The following ITGA2 variants were observed in gnomAD, a reference collection of about 807,000 sequenced individuals.
ITGA2 encodes integrin subunit alpha 2.
ITGA2 carries 101 observed loss-of-function variants against 146.3 expected under a neutral mutation model. The observed-to-expected ratio is 0.69, with a 90% CI of 0.59 to 0.81. ITGA2 has a LOEUF of 0.81. ITGA2 is among the 40% of genes least tolerant of loss of function. The pLI, the probability that ITGA2 is intolerant of heterozygous loss-of-function variation, is 0.00. For synonymous variants in ITGA2, 477 were observed against 487.1 expected (o/e 0.98, Z 0.27); for missense variants, 1,281 against 1,402.7 (o/e 0.91, Z 1.39).
intron 28 of ITGA2, among the ~76,000 whole-genome samples, chr5:53,087,635 A>C (rs970621598): frequency 1.3e-5 from 2 of 151,932 alleles, no homozygotes; most frequent in African/African-American, 4.8e-5. Context: ...AAAAAAAAAA[A>C]AAAAAGCTTT....
At chr5:53,046,551 A>G (rs1744098662) in intron 4 of ITGA2, among the ~76,000 whole-genome samples, 2 of 151,964 alleles carry the variant, frequency 1.3e-5, no homozygotes, top group African/African-American at 4.8e-5. Flanking sequence ...TAAAAAAAGA[A>G]CATACTGATA....
At chr5:53,059,787 C>T in intron 10 of ITGA2, 87 bp from the exon 11 acceptor site, 1 of 1,180,318 alleles carries the variant, frequency 8.5e-7, no homozygotes, top group East Asian at 2.5e-5. Context: ...TAAATCTAAA[C>T]AACTTATTTC....
At position 53,058,066 on chromosome 5, in the gene ITGA2, CAA is replaced by C; in HGVS notation, c.1139_1140del (p.Gln380ArgfsTer12). 6.2e-7 allele frequency: 1 copy of C among 1,611,672 alleles called. No individual in the cohort carries two copies. Among genetic ancestry groups the C allele is most frequent in the Non-Finnish European group, 8.5e-7 (1 of 1,178,354 alleles). Reference protein sequence around the residue: ...GGDNFQMEMSQVGFSADYSSQ... With the variant: ...GGDNFQMEMSXVGFSADYSSQ... ...AGACAACTTTCAGATGGAAATGTCA[CAA>C]GTGGGATTCAGTGCAGATTACTCTT... On this transcript the variant is annotated frameshift_variant, in exon 10 of 30. Transcript: ENST00000296585. LOFTEE classifies it high-confidence loss of function.
intron 17 of ITGA2, 148 bp from the exon 18 acceptor site, chr5:53,071,790 A>G (rs1021077195): frequency 1.3e-5 from 9 of 696,670 alleles, no homozygotes; most frequent in Non-Finnish European, 2.3e-5. Flanking sequence ...AGTCTTGATT[A>G]TTCACAACAA....
Position 53,055,607 on chromosome 5 carries a change from C to T in ITGA2, c.849C>T (p.Asp283=), listed in dbSNP as rs3212521. ...CGAAAGTAATGGTAGTTGTAACTGA[C>T]GGTGAATCACATGATGGTTCAATGT... ...SATKVMVVVT[D]GESHDGSMLK... Residue 283 remains aspartate (D), a synonymous_variant, in exon 8 of 30, where the codon GAC becomes GAT. Coordinates refer to ENST00000296585, the MANE Select transcript of ITGA2 (RefSeq NM_002203.4). The T allele has an allele frequency of 9.9e-3, 15,907 of 1,613,024 alleles. 1,419 individuals are homozygous for T. The African/African-American group carries it at 0.19, about 19-fold the overall frequency.
At chr5:53,023,423 A>G (rs1295621474) in intron 1 of ITGA2, among the ~76,000 whole-genome samples, 1 of 152,208 alleles carries the variant, frequency 6.6e-6, no homozygotes, top group Admixed American at 6.5e-5. Context: ...CTTTGAACTT[A>G]GATTTACCCT....
At position 53,045,018 on chromosome 5, in the gene ITGA2, A is replaced by G; in HGVS notation, c.313A>G (p.Asn105Asp). ...LNLQTSTSIP[N>D]VTEMKTNMSL... Reference sequence around the variant, plus strand: ...TTTGAAAGCTTCAACAAGCATTCCAAATGTTACTGAGATGAAAACCAACAT... The same window carrying G: ...TTTGAAAGCTTCAACAAGCATTCCAGATGTTACTGAGATGAAAACCAACAT... The change falls in exon 4 of 30, where the codon AAT becomes GAT. Residue 105 changes from asparagine to aspartate, a missense_variant. Asn to Asp is a conservative substitution (Grantham distance 23). This residue lies in a region of ITGA2 where 795 missense variants were observed against 841.7 expected (regional missense o/e 0.94). Coordinates refer to ENST00000296585, the MANE Select transcript of ITGA2 (RefSeq NM_002203.4). 1 of 1,613,664 alleles carries G rather than the reference A, an allele frequency of 6.2e-7. No individual in the cohort carries two copies. Among genetic ancestry groups the G allele is most frequent in the Non-Finnish European group, 8.5e-7 (1 of 1,179,628 alleles).
At chr5:53,047,357 T>G (rs1744141152) in intron 4 of ITGA2, among the ~76,000 whole-genome samples, 1 of 152,204 alleles carries the variant, frequency 6.6e-6, no homozygotes, top group Non-Finnish European at 1.5e-5. Flanking sequence ...CTAATGTTTC[T>G]TGTGTCATTT....
In ITGA2 at chr5:53,060,825, A is replaced by G. The variant is rs562497304; in HGVS notation, c.1313-76A>G. ...ATCTAACACAAAAGGATCTCTGGTCACCTTTACTCACTTCTTTTAACTTTA... is the reference window on the plus strand; with the variant it reads ...ATCTAACACAAAAGGATCTCTGGTCGCCTTTACTCACTTCTTTTAACTTTA... On this transcript the variant is annotated intron_variant, in intron 11 of 29. Coordinates refer to ENST00000296585, the MANE Select transcript of ITGA2 (RefSeq NM_002203.4). 28 of 1,364,956 alleles carry G rather than the reference A, an allele frequency of 2.1e-5. No individual in the cohort carries two copies. The African/African-American group carries it at 2.9e-4, about 14-fold the overall frequency. 84.6% of individuals were successfully genotyped at this position (1,364,956 alleles called of 1,614,324 possible). A position where few individuals can be genotyped will look rare whatever the true frequency, so the allele number is the denominator to read the frequency against.
At chr5:53,074,223 C>A (rs970495553) in intron 20 of ITGA2, among the ~76,000 whole-genome samples, 162 bp from the exon 21 acceptor site, 2 of 151,910 alleles carry the variant, frequency 1.3e-5, no homozygotes, top group Non-Finnish European at 2.9e-5. Flanking sequence ...ATATTAGCCA[C>A]CTGGGCAGTA....
intron 1 of ITGA2, 33 bp from the exon 2 acceptor site, chr5:53,026,715 T>G: frequency 6.4e-7 from 1 of 1,571,758 alleles, no homozygotes; most frequent in Non-Finnish European, 8.8e-7. Context: ...TCATGAATTG[T>G]AAATATGTGC....
At chr5:53,028,724 C>T (rs904053746) in intron 2 of ITGA2, among the ~76,000 whole-genome samples, 8 of 152,184 alleles carry the variant, frequency 5.3e-5, no homozygotes, top group African/African-American at 1.9e-4. Flanking sequence ...TCTGCACAAG[C>T]TAATGAGGCC....
chr5:53,022,845 A>G (rs1163197816), intron 1 of ITGA2, among the ~76,000 whole-genome samples: 1 of 152,160 alleles, frequency 6.6e-6, no homozygotes, highest in Non-Finnish European at 1.5e-5. Context: ...AGAAATCTAC[A>G]TGAGTTAACT....
At chr5:53,010,584 A>G (rs754442721) in intron 1 of ITGA2, among the ~76,000 whole-genome samples, 2 of 152,136 alleles carry the variant, frequency 1.3e-5, no homozygotes, top group Non-Finnish European at 2.9e-5. Context: ...CACTCACACC[A>G]AATTTAGATG....
At chr5:53,058,430 A>G (rs1340895625) in intron 10 of ITGA2, among the ~76,000 whole-genome samples, 1 of 151,886 alleles carries the variant, frequency 6.6e-6, no homozygotes, top group Non-Finnish European at 1.5e-5. Context: ...ACTACTGGAA[A>G]TGTTTGTTAA....
intron 2 of ITGA2, among the ~76,000 whole-genome samples, chr5:53,038,170 T>C (rs559505490): frequency 6.1e-5 from 9 of 146,652 alleles, no homozygotes; most frequent in African/African-American, 2.3e-4. Context: ...AGGAAGAAAA[T>C]AGCTAGTTGT....
intron 19 of ITGA2, among the ~76,000 whole-genome samples, 180 bp downstream of exon 19, chr5:53,072,875 A>C (rs1302855412): frequency 6.6e-6 from 1 of 151,866 alleles, no homozygotes; most frequent in Non-Finnish European, 1.5e-5. Flanking sequence ...TAAGAAATAT[A>C]AAATTATCTG....
intron 1 of ITGA2, among the ~76,000 whole-genome samples, chr5:53,025,486 A>G (rs1475603643): frequency 1.3e-5 from 2 of 152,324 alleles, no homozygotes; most frequent in African/African-American, 2.4e-5. Context: ...TCCCTGATAC[A>G]GTGATTTTGG....
At chr5:53,033,697 A>G (rs1474826040) in intron 2 of ITGA2, among the ~76,000 whole-genome samples, 1 of 151,976 alleles carries the variant, frequency 6.6e-6, no homozygotes, top group East Asian at 1.9e-4. Flanking sequence ...TCCTGGGTTC[A>G]AGTGATTCTC....
Sources: allele counts gnomAD v4.1 joint callset (sites outside exome capture counted in the v4.1 genomes callset), GRCh38; gene constraint gnomAD v4.1.1; regional missense constraint gnomAD v4.1.1; transcripts MANE v1.5; gene names NCBI Gene and HGNC (gene_info 2026-07-23, HGNC 2026-07-21).